Variants in EGFLAM observed in about 807,000 individuals in gnomAD.
The protein encoded by EGFLAM is pikachurin.
EGFLAM carries 79 observed loss-of-function variants against 113.1 expected under a neutral mutation model. The ratio of observed to expected loss-of-function variants is 0.70; its 90% CI spans 0.58 to 0.84. The LOEUF (loss-of-function observed/expected upper bound fraction) is 0.84. Ranked by LOEUF, EGFLAM falls within the 40% of genes least tolerant of loss-of-function variation. The pLI, the probability that EGFLAM is intolerant of heterozygous loss-of-function variation, is 0.00. For missense variants in EGFLAM, 1,265 were observed against 1,291.6 expected (o/e 0.98, Z 0.32); for synonymous variants, 504 against 487.6 (o/e 1.03, Z -0.44).
At chr5:38,385,598 G>A (rs1740639626) in intron 6 of EGFLAM, among the ~76,000 whole-genome samples, 1 of 152,116 alleles carries the variant, frequency 6.6e-6, no homozygotes, top group African/African-American at 2.4e-5. Flanking sequence ...CACTGATACT[G>A]ATGTGGAGGG....
At chr5:38,264,835 T>G (rs59262247) in intron 1 of EGFLAM, among the ~76,000 whole-genome samples, 2,688 of 152,288 alleles carry the variant, frequency 0.018, 81 homozygotes, top group African/African-American at 0.06. Context: ...CCTAGCACAC[T>G]CATCCCCAGC....
rs116162001 is a variant in EGFLAM, at chr5:38,262,930, C to G, written c.97+4079C>G. ...CTGTTTTCCAAAGTGGCTGTACCAT[C>G]TTACATTCATACAATGTACGAATGT... On this transcript the variant is annotated intron_variant, in intron 1 of 21. Coordinates refer to ENST00000322350, the MANE Select transcript of EGFLAM (RefSeq NM_152403.4). Among the ~76,000 whole-genome samples the G allele has an allele frequency of 6.4e-3, 975 of 152,280 alleles. 9 individuals are homozygous for G. Among genetic ancestry groups the G allele is most frequent in the African/African-American group, 0.023 (942 of 41,554 alleles).
chr5:38,428,085 T>C (rs920354703), intron 14 of EGFLAM, among the ~76,000 whole-genome samples: 13 of 152,230 alleles, frequency 8.5e-5, no homozygotes, highest in Non-Finnish European at 1.9e-4. Context: ...ATGCTTCTTG[T>C]TCCTACATTT....
intron 1 of EGFLAM, among the ~76,000 whole-genome samples, chr5:38,318,998 T>C (rs969713636): frequency 4.6e-5 from 7 of 152,196 alleles, no homozygotes; most frequent in African/African-American, 4.8e-5. Flanking sequence ...TTATAGTCCA[T>C]AGTCCTCACT....
intron 1 of EGFLAM, chr5:38,285,818 T>A (rs10058729): frequency 0.46 from 69,222 of 151,830 alleles, 17,805 homozygotes; most frequent in African/African-American, 0.7. Flanking sequence ...AAATCATCAG[T>A]TCTCTTGGGG....
chr5:38,461,170 T>G (rs1743259129), intron 20 of EGFLAM: 1 of 152,204 alleles, frequency 6.6e-6, no homozygotes, highest in Non-Finnish European at 1.5e-5. Context: ...GAGATGGGCA[T>G]AGCTATTCCC....
chr5:38,296,838 A>G (rs1009564808), intron 1 of EGFLAM, among the ~76,000 whole-genome samples: 1 of 152,110 alleles, frequency 6.6e-6, no homozygotes, highest in Non-Finnish European at 1.5e-5. Context: ...CAGTAATAAG[A>G]CATATTGACA....
rs766318974 is a variant in EGFLAM, at chr5:38,418,122, C to G, written c.1551C>G (p.Ser517Arg). 11 of 1,614,138 alleles carry G rather than the reference C, an allele frequency of 6.8e-6. No homozygotes were observed. The East Asian group carries it at 2.0e-4, about 29-fold the overall frequency. ...RTPLYLGGAP[S>R]AYWLVRATGT... Reference sequence around the variant, plus strand: ...CTCTCTATCTTGGTGGCGCTCCCAGCGCTTACTGGTTGGTTAGAGCAACAG... The same window carrying G: ...CTCTCTATCTTGGTGGCGCTCCCAGGGCTTACTGGTTGGTTAGAGCAACAG... Residue 517 changes from serine (S) to arginine (R), a missense_variant, in exon 12 of 22, where the codon AGC becomes AGG. Physicochemically the swap from Ser to Arg is moderately radical, Grantham distance 110. Coordinates refer to ENST00000322350, the MANE Select transcript of EGFLAM (RefSeq NM_152403.4).
At chr5:38,306,983 C>T (rs917252778) in intron 1 of EGFLAM, among the ~76,000 whole-genome samples, 8 of 152,120 alleles carry the variant, frequency 5.3e-5, no homozygotes, top group African/African-American at 1.7e-4. Flanking sequence ...GATCGCTAGC[C>T]CCGGCTGAGC....
Position 38,277,101 on chromosome 5 carries a change from G to A in EGFLAM, c.97+18250G>A, listed in dbSNP as rs374677975. 2.3e-4 allele frequency among the ~76,000 whole-genome samples: 35 copies of A among 152,178 alleles called. No homozygotes were observed. The Middle Eastern group carries it at 0.01, about 44-fold the overall frequency. On this transcript the variant is annotated intron_variant, in intron 1 of 21. Transcript: ENST00000322350. Reference sequence around the variant, plus strand: ...TACCCTGATACCAAAAATCAGATAAGGATATAACAAGAAAGAAAACTACAG... The same window carrying A: ...TACCCTGATACCAAAAATCAGATAAAGATATAACAAGAAAGAAAACTACAG...
intron 1 of EGFLAM, among the ~76,000 whole-genome samples, chr5:38,266,181 A>T (rs1001901836): frequency 6.6e-6 from 1 of 152,274 alleles, no homozygotes; most frequent in South Asian, 2.1e-4. Flanking sequence ...TCCCAAGCTT[A>T]TTCTTTCAGC....
intron 20 of EGFLAM, among the ~76,000 whole-genome samples, chr5:38,461,512 T>C (rs973094264): frequency 4.0e-5 from 6 of 151,876 alleles, no homozygotes; most frequent in African/African-American, 1.5e-4. Context: ...TTAGAGTAAT[T>C]AATTTTTTTT....
chr5:38,298,530 GTATTAATACTC>G (rs1758500803), intron 1 of EGFLAM, among the ~76,000 whole-genome samples: 1 of 152,038 alleles, frequency 6.6e-6, no homozygotes, highest in Non-Finnish European at 1.5e-5. Flanking sequence ...TTTTGAGATG[GTATTAATACTC>G]TATTATACAG....
intron 5 of EGFLAM, among the ~76,000 whole-genome samples, chr5:38,360,982 G>A (rs546382001): frequency 1.3e-5 from 2 of 151,062 alleles, no homozygotes; most frequent in East Asian, 3.9e-4. Flanking sequence ...AGCCTCCCGA[G>A]TAGCTAGGAT....
intron 5 of EGFLAM, among the ~76,000 whole-genome samples, chr5:38,366,624 A>G (rs1266835483): frequency 1.3e-5 from 2 of 152,140 alleles, no homozygotes; most frequent in Non-Finnish European, 2.9e-5. Flanking sequence ...ATTAAAACAG[A>G]AAGGTATACC....
At chr5:38,292,849 A>C (rs776823173) in intron 1 of EGFLAM, among the ~76,000 whole-genome samples, 1 of 152,178 alleles carries the variant, frequency 6.6e-6, no homozygotes, top group Non-Finnish European at 1.5e-5. Context: ...TAATTATTAC[A>C]CTAGATGAGG....
At chr5:38,455,039 C>A (rs1198535998) in intron 19 of EGFLAM, among the ~76,000 whole-genome samples, 2 of 152,138 alleles carry the variant, frequency 1.3e-5, no homozygotes. Flanking sequence ...AACCTACCAC[C>A]GGTGGGGTTT....
chr5:38,463,643 C>G (rs189688725), intron 21 of EGFLAM, among the ~76,000 whole-genome samples, 189 bp from the exon 22 acceptor site: 3 of 152,276 alleles, frequency 2.0e-5, no homozygotes, highest in African/African-American at 7.2e-5. Context: ...TCTGTTCCTT[C>G]AAGGATAATT....
Position 38,427,279 on chromosome 5 carries a change from T to C in EGFLAM, c.2054+27T>C, listed in dbSNP as rs753613567. 2.8e-5 allele frequency: 45 copies of C among 1,604,594 alleles called. No individual in the cohort carries two copies. The African/African-American group carries it at 5.0e-4, about 18-fold the overall frequency. ...TGAGGGCTGAAAACTTCTGGGACTC[T>C]TTCCCTTAAAAAGGCAAATAGTAAC... On this transcript the variant is annotated intron_variant, in intron 14 of 21. Transcript: ENST00000322350.
Sources: allele counts gnomAD v4.1 joint callset (sites outside exome capture counted in the v4.1 genomes callset), GRCh38; gene constraint gnomAD v4.1.1; transcripts MANE v1.5; gene names NCBI Gene and HGNC (gene_info 2026-07-23, HGNC 2026-07-21).